PLCH2: variants seen among roughly 807,000 people sequenced by gnomAD.
The protein encoded by PLCH2 is phospholipase C eta 2, also known as 1-phosphatidylinositol 4,5-bisphosphate phosphodiesterase eta-2.
Under a neutral mutation model 134.7 loss-of-function variants are expected in PLCH2, and 98 were observed. The ratio of observed to expected loss-of-function variants is 0.73; its 90% CI spans 0.62 to 0.86. PLCH2 has a LOEUF of 0.86. PLCH2 is among the 40% of genes least tolerant of loss of function. The pLI, the probability that PLCH2 is intolerant of heterozygous loss-of-function variation, is 0.00. For missense variants in PLCH2, 1,994 were observed against 1,986.6 expected, an observed-to-expected ratio of 1.00 and a Z score of -0.07; for synonymous variants, 974 against 827.5, an observed-to-expected ratio of 1.18 and a Z score of -3.04.
intron 2 of PLCH2, among the ~76,000 whole-genome samples, chr1:2,447,699 C>T (rs1640005217): frequency 6.6e-6 from 1 of 152,224 alleles, no homozygotes; most frequent in African/African-American, 2.4e-5. Context: ...AGACGCCTGA[C>T]TGGAGCTTCA....
upstream of PLCH2, among the ~76,000 whole-genome samples, chr1:2,467,068 G>A (rs1053918071): frequency 2.0e-5 from 3 of 152,096 alleles, no homozygotes; most frequent in Admixed American, 2.0e-4. Flanking sequence ...TGCAGCCTGC[G>A]GGGCCTGGGG....
intron 21 of PLCH2, chr1:2,502,650 G>A: frequency 1.5e-6 from 1 of 680,728 alleles, no homozygotes; most frequent in Non-Finnish European, 2.7e-6. Context: ...GGGGCCCCCT[G>A]CTGTGGCCTG....
At chr1:2,477,319 G>A (rs571905149) in intron 1 of PLCH2, among the ~76,000 whole-genome samples, 5 of 152,042 alleles carry the variant, frequency 3.3e-5, no homozygotes, top group Admixed American at 1.3e-4. Flanking sequence ...CCATACCTGC[G>A]TCTTCACCTC....
chr1:2,471,540 G>A (rs571343749), upstream of PLCH2, among the ~76,000 whole-genome samples: 22 of 152,320 alleles, frequency 1.4e-4, no homozygotes, highest in South Asian at 4.6e-3. Flanking sequence ...CCGGGTGGCC[G>A]GATGACAGAA....
At position 2,505,175 on chromosome 1, in the gene PLCH2, T is replaced by C. The variant is rs757231518; in HGVS notation, c.4213T>C (p.Ser1405Pro). 10 of 1,571,066 alleles carry C rather than the reference T, an allele frequency of 6.4e-6. 1 individual carries two copies. In the South Asian group the frequency reaches 9.2e-5, roughly 14 times the overall value. The change falls in exon 22 of 22, where the codon TCC (serine) becomes CCC (proline). Residue 1405 changes from serine (S) to proline (P), a missense_variant. Ser to Pro is a moderately conservative substitution (Grantham distance 74). This residue lies in a region of PLCH2 where 900 missense variants were observed against 752.3 expected (regional missense o/e 1.20). Coordinates refer to ENST00000378486, the MANE Select transcript of PLCH2 (RefSeq NM_014638.4). Reference protein sequence around the residue: ...APSKGALGPASAAAENLVLLR... With the variant: ...APSKGALGPAPAAAENLVLLR... ...CTCCAAGGGAGCCCTCGGGCCAGCA[T>C]CCGCGGCTGCTGAAAACCTGGTCCT...
intron 2 of PLCH2, among the ~76,000 whole-genome samples, chr1:2,458,071 G>A (rs1048297592): frequency 6.6e-6 from 1 of 152,116 alleles, no homozygotes; most frequent in African/African-American, 2.4e-5. Flanking sequence ...GCCCCAGGCT[G>A]TGTGTGTGAG....
Position 2,495,032 on chromosome 1 carries a change from AGTGCCCCG to A in PLCH2, c.1752+85_1752+92del, listed in dbSNP as rs1642805216. ...AGTGCCCCGTGTCCTCCCTGCTCCC[AGTGCCCCG>A]TGTCCTCCCTGCTCCCAGTGCCCCA... On this transcript the variant is annotated intron_variant, in intron 12 of 21. Coordinates refer to ENST00000378486, the MANE Select transcript of PLCH2 (RefSeq NM_014638.4). 5 of 963,524 alleles carry A rather than the reference AGTGCCCCG, an allele frequency of 5.2e-6. No individual in the cohort carries two copies. The African/African-American group carries it at 8.1e-5, about 16-fold the overall frequency. 59.7% of individuals were successfully genotyped at this position (963,524 alleles called of 1,614,324 possible).
In PLCH2 at chr1:2,499,664, G is replaced by C; in HGVS notation, c.2605G>C (p.Gly869Arg). The change falls in exon 20 of 22, where the codon GGG becomes CGG. Residue 869 changes from glycine to arginine, a missense_variant. This residue lies in a region of PLCH2 where 1,094 missense variants were observed against 1,234.3 expected (regional missense o/e 0.89). Coordinates refer to ENST00000378486, the MANE Select transcript of PLCH2 (RefSeq NM_014638.4). ...MPGYRHVYLE[G>R]MEEASIFVHV... ...AGGCTACAGACACGTGTACCTAGAA[G>C]GGATGGAAGAGGCCTCCATCTTCGT... 6 of 1,602,278 alleles carry C rather than the reference G, an allele frequency of 3.7e-6. No homozygotes were observed. The highest frequency in any genetic ancestry group is 5.1e-6 in the Non-Finnish European group (6 of 1,174,930).
upstream of PLCH2, among the ~76,000 whole-genome samples, chr1:2,464,168 C>G (rs114942955): frequency 7.9e-3 from 1,210 of 152,298 alleles, 18 homozygotes; most frequent in African/African-American, 0.028. Context: ...TCAGAAGCAG[C>G]TGGGCTGTGG....
At chr1:2,490,433 TG>T (rs549223075) in intron 10 of PLCH2, among the ~76,000 whole-genome samples, 117 of 151,776 alleles carry the variant, frequency 7.7e-4, no homozygotes, top group Middle Eastern at 3.4e-3. Context: ...AGGGCCAGGG[TG>T]GGGGGCTGCA....
intron 5 of PLCH2, among the ~76,000 whole-genome samples, chr1:2,485,841 C>T (rs1642256998): frequency 1.3e-5 from 2 of 152,152 alleles, no homozygotes; most frequent in Non-Finnish European, 2.9e-5. Flanking sequence ...CAGTACCCCA[C>T]CCCCAAGCTT....
rs781537170 is a variant in PLCH2, at chr1:2,494,932, G to A, written c.1736G>A (p.Ser579Asn). ...CGCAATGGCCGCCTCGTCGTGGGAAGCTTCTCCAGGCGCAAGGTCCGGCGC... is the reference window on the plus strand; with the variant it reads ...CGCAATGGCCGCCTCGTCGTGGGAAACTTCTCCAGGCGCAAGGTCCGGCGC... ...SRRNGRLVVG[S>N]FSRRKKKGSK... Residue 579 changes from serine (S) to asparagine (N), a missense_variant, in exon 12 of 22, where the codon AGC becomes AAC. Physicochemically the swap from Ser to Asn is conservative, Grantham distance 46. Around this residue, in one of 2 missense-constraint regions of PLCH2, gnomAD observed 1,094 missense variants for 1,234.3 expected, o/e 0.89. Transcript: ENST00000378486. The A allele has an allele frequency of 5.6e-6, 9 of 1,595,698 alleles. No homozygotes were observed. The East Asian group carries it at 2.0e-4, about 36-fold the overall frequency.
chr1:2,456,266 C>T (rs747912482), intron 2 of PLCH2, among the ~76,000 whole-genome samples: 6 of 152,296 alleles, frequency 3.9e-5, no homozygotes, highest in South Asian at 2.1e-4. Flanking sequence ...CCCTGGCTTC[C>T]GAGCGCAGCC....
intron 2 of PLCH2, among the ~76,000 whole-genome samples, chr1:2,461,426 G>C (rs1198093376): frequency 6.6e-6 from 1 of 152,190 alleles, no homozygotes; most frequent in Non-Finnish European, 1.5e-5. Context: ...GCTGCTAGCA[G>C]GGCGGGCTGA....
intron 10 of PLCH2, 47 bp downstream of exon 10, chr1:2,489,914 C>T (rs968915913): frequency 8.5e-6 from 11 of 1,297,816 alleles, no homozygotes; most frequent in Admixed American, 1.7e-5. Flanking sequence ...CCTGCAGTTC[C>T]CAAGAACAGC....
At chr1:2,423,003 C>T (rs554740577), upstream of PLCH2, among the ~76,000 whole-genome samples, 24 of 152,264 alleles carry the variant, frequency 1.6e-4, no homozygotes, top group East Asian at 1.3e-3. Context: ...ACTATCACCC[C>T]GATCTCACGA....
At chr1:2,458,746 C>G (rs1303614705) in intron 2 of PLCH2, among the ~76,000 whole-genome samples, 1 of 152,168 alleles carries the variant, frequency 6.6e-6, no homozygotes, top group Admixed American at 6.5e-5. Context: ...GTATGGGCAG[C>G]CCCCCAAAGA....
At chr1:2,456,541 C>T (rs984537834) in intron 2 of PLCH2, among the ~76,000 whole-genome samples, 5 of 152,212 alleles carry the variant, frequency 3.3e-5, no homozygotes, top group Non-Finnish European at 5.9e-5. Flanking sequence ...GTGAGGTCAC[C>T]GGGGTGGCTC....
At chr1:2,491,454 A>G (rs1178654513) in intron 11 of PLCH2, 119 bp downstream of exon 11, 10 of 1,006,306 alleles carry the variant, frequency 9.9e-6, no homozygotes, top group Middle Eastern at 3.2e-4. Context: ...GCACACACAA[A>G]TCTGCACACA....
Sources: gnomAD v4.1 joint callset for allele counts (sites outside exome capture counted in the v4.1 genomes callset) on GRCh38, gnomAD v4.1.1 for gene constraint, gnomAD v4.1.1 regional missense constraint, MANE v1.5 for transcripts, NCBI Gene and HGNC (gene_info 2026-07-23, HGNC 2026-07-21) for gene names.